PTPN5: variants seen among roughly 807,000 people sequenced by gnomAD.
PTPN5 encodes protein tyrosine phosphatase non-receptor type 5, also known as tyrosine-protein phosphatase non-receptor type 5.
PTPN5 carries 29 observed loss-of-function variants against 73.9 expected under a neutral mutation model. The ratio of observed to expected loss-of-function variants is 0.39; its 90% CI spans 0.29 to 0.54. PTPN5 has a LOEUF of 0.54. PTPN5 is among the 20% of genes least tolerant of loss of function. The probability of loss-of-function intolerance (pLI) is 0.65; values close to 1 mark genes in which losing one functional copy is unlikely to be tolerated. For missense variants in PTPN5, 652 were observed against 751.4 expected (o/e 0.87, Z 1.55); for synonymous variants, 267 against 304.7 (o/e 0.88, Z 1.29).
chr11:18,781,323 C>CATTTTTTTTTTT (rs774528335), intron 1 of PTPN5, among the ~76,000 whole-genome samples: 1 of 114,422 alleles, frequency 8.7e-6, no homozygotes, highest in Non-Finnish European at 1.7e-5. Context: ...TTTTTGACCA[C>CATTTTTTTTTTT]TTTTTTTTTT....
intron 3 of PTPN5, among the ~76,000 whole-genome samples, chr11:18,757,592 G>A (rs956437): frequency 0.36 from 52,996 of 147,540 alleles, 9,570 homozygotes; most frequent in Middle Eastern, 0.48. Context: ...TGTGCTGTGT[G>A]TATTCCTAGA....
intron 1 of PTPN5, among the ~76,000 whole-genome samples, chr11:18,787,152 A>G (rs1851709138): frequency 6.6e-6 from 1 of 152,248 alleles, no homozygotes; most frequent in African/African-American, 2.4e-5. Flanking sequence ...TGCAGACTTC[A>G]CTTAAATTTT....
Position 18,765,811 on chromosome 11 carries a change from T to C in PTPN5, c.93A>G (p.Leu31=), listed in dbSNP as rs1341391518. The C allele has an allele frequency of 1.3e-6, 2 of 1,568,556 alleles. No homozygotes were observed. Among genetic ancestry groups the C allele is most frequent in the South Asian group, 2.3e-5 (2 of 85,216 alleles). The part of the protein sequence containing the change: ...GALDMCCSER[L]PGLPQPIVME... ...CTGGGTGCTGAGAAGACTCACCCGGTAGCCTCTCACTGCAGCACATGTCCA... is the reference window on the plus strand; with the variant it reads ...CTGGGTGCTGAGAAGACTCACCCGGCAGCCTCTCACTGCAGCACATGTCCA... Residue 31 remains leucine (L), a synonymous_variant, in exon 3 of 15, where the codon CTA becomes CTG. Coordinates refer to ENST00000358540, the MANE Select transcript of PTPN5 (RefSeq NM_006906.2).
rs552478947 is a variant in PTPN5, at chr11:18,729,079, G to A, written c.1605-52C>T. On this transcript the variant is annotated intron_variant, in intron 14 of 14. Transcript: ENST00000358540. The surrounding 1 kb of genome is among the most constrained non-coding windows in gnomAD (Gnocchi z 5.2). ...GCAGGGTCGTGGAGGGATGGGCTGT[G>A]GGAGGTGCCCCAAAAGCCATGGAGT... is the stretch of plus-strand genomic sequence containing the variant. 4 of 1,581,170 alleles carry A rather than the reference G, an allele frequency of 2.5e-6. No homozygotes were observed. The highest frequency in any genetic ancestry group is 3.4e-6 in the Non-Finnish European group (4 of 1,160,508).
chr11:18,770,339 T>C (rs1850825442), intron 2 of PTPN5, among the ~76,000 whole-genome samples: 1 of 152,230 alleles, frequency 6.6e-6, no homozygotes, highest in East Asian at 1.9e-4. Flanking sequence ...GCTTATTTGC[T>C]TTCTGTCTCT....
upstream of PTPN5, chr11:18,792,032 C>T (rs1209364538): frequency 1.3e-5 from 2 of 152,322 alleles, no homozygotes; most frequent in Non-Finnish European, 2.9e-5. Context: ...CAGTCGTCGC[C>T]CCCATGCCAA....
At chr11:18,773,745 T>C (rs1010448507) in intron 1 of PTPN5, among the ~76,000 whole-genome samples, 121 of 152,162 alleles carry the variant, frequency 8.0e-4, no homozygotes, top group African/African-American at 2.6e-3. Context: ...AATCAACCAG[T>C]TCTAAGAATA....
intron 3 of PTPN5, among the ~76,000 whole-genome samples, chr11:18,754,119 T>G (rs1393483508): frequency 6.6e-6 from 1 of 152,138 alleles, no homozygotes; most frequent in African/African-American, 2.4e-5. Flanking sequence ...GACCATGCAC[T>G]GAGGAGTATG....
intron 1 of PTPN5, among the ~76,000 whole-genome samples, chr11:18,784,747 G>T (rs1851592563): frequency 6.6e-6 from 1 of 152,110 alleles, no homozygotes; most frequent in African/African-American, 2.4e-5. Context: ...TGACAGAGCT[G>T]CATGTCCCTC....
At position 18,728,643 on chromosome 11, in the gene PTPN5, A is replaced by C; in HGVS notation, c.*291T>G. On this transcript the variant is annotated 3_prime_UTR_variant, in exon 15 of 15. Transcript: ENST00000358540. This position sits in a 1 kb window ranked among gnomAD's most constrained non-coding sequence, Gnocchi z 4.1. ...CGGAAACATTCTGGATCAGGTATTG[A>C]TGGAACCATCGTTAAAAACTGGAGC... 1 of 366,342 alleles carries C rather than the reference A, an allele frequency of 2.7e-6. No homozygotes were observed. The highest frequency in any genetic ancestry group is 5.0e-6 in the Non-Finnish European group (1 of 201,546). 22.7% of individuals were successfully genotyped at this position (366,342 alleles called of 1,614,324 possible).
intron 4 of PTPN5, 61 bp downstream of exon 4, chr11:18,743,945 G>T: frequency 1.3e-6 from 2 of 1,507,474 alleles, no homozygotes; most frequent in Non-Finnish European, 8.8e-7. Context: ...GGGAGGAAGT[G>T]GGAGGCTGGC....
intron 3 of PTPN5, among the ~76,000 whole-genome samples, chr11:18,764,453 A>ACCCCC (rs900243250): frequency 1.3e-5 from 2 of 152,108 alleles, no homozygotes; most frequent in East Asian, 3.9e-4. Context: ...GAGCAATGGC[A>ACCCCC]CCCCCTACTG....
chr11:18,766,236 T>C (rs1044111160), intron 2 of PTPN5, among the ~76,000 whole-genome samples: 2 of 152,232 alleles, frequency 1.3e-5, no homozygotes, highest in Non-Finnish European at 2.9e-5. Flanking sequence ...TGAGGGATCA[T>C]TAAACAGGCT....
Position 18,728,732 on chromosome 11 carries a change from C to A in PTPN5, c.*202G>T. The A allele has an allele frequency of 1.9e-6, 1 of 534,110 alleles. No homozygotes were observed. The allele number at this position is 534,110 out of a possible 1,614,324, so 33.1% of individuals were successfully genotyped here. A position where few individuals can be genotyped will look rare whatever the true frequency, so the allele number is the denominator to read the frequency against. ...AGGCCTGGCCTGGCATGTCCCTTCC[C>A]GACCCTGCCCCCCACTCCCCAATAT... On this transcript the variant is annotated 3_prime_UTR_variant, in exon 15 of 15. Coordinates refer to ENST00000358540, the MANE Select transcript of PTPN5 (RefSeq NM_006906.2). The surrounding 1 kb of genome is among the most constrained non-coding windows in gnomAD (Gnocchi z 4.1).
At chr11:18,737,033 T>C (rs558960969) in intron 9 of PTPN5, among the ~76,000 whole-genome samples, 1 of 152,370 alleles carries the variant, frequency 6.6e-6, no homozygotes, top group South Asian at 2.1e-4. Context: ...TTACATGTTG[T>C]TGGAGATGCT....
intron 2 of PTPN5, among the ~76,000 whole-genome samples, chr11:18,770,775 G>A (rs183035500): frequency 1.3e-5 from 2 of 152,336 alleles, no homozygotes; most frequent in East Asian, 1.9e-4. Context: ...AAGGTAATGC[G>A]TTGTGCAGCT....
chr11:18,759,091 C>A (rs538645863), intron 3 of PTPN5, among the ~76,000 whole-genome samples: 1 of 152,176 alleles, frequency 6.6e-6, no homozygotes. Context: ...AGATACACTA[C>A]CCCACTCCAC....
At chr11:18,754,363 G>A (rs1850033071) in intron 3 of PTPN5, among the ~76,000 whole-genome samples, 1 of 152,200 alleles carries the variant, frequency 6.6e-6, no homozygotes, top group African/African-American at 2.4e-5. Flanking sequence ...CTGAGCTGCA[G>A]CACAGCCGAC....
chr11:18,756,002 T>TAAAA (rs532445728), intron 3 of PTPN5, among the ~76,000 whole-genome samples: 54 of 113,200 alleles, frequency 4.8e-4, no homozygotes, highest in African/African-American at 6.9e-4. Context: ...AGACTCTAAA[T>TAAAA]AAAAAAAAAA....
Sources: allele counts gnomAD v4.1 joint callset (sites outside exome capture counted in the v4.1 genomes callset), GRCh38; gene constraint gnomAD v4.1.1; non-coding constraint Gnocchi (gnomAD v3.1); transcripts MANE v1.5; gene names NCBI Gene and HGNC (gene_info 2026-07-23, HGNC 2026-07-21).